The following LOC728392 variants were observed in gnomAD, a reference collection of about 807,000 sequenced individuals.
chr17:5,500,636 G>A, the LOC728392 span: 8 of 1,275,918 alleles, frequency 6.3e-6, no homozygotes, highest in Non-Finnish European at 8.2e-6. The surrounding 1 kb of genome is among the most constrained non-coding windows in gnomAD (Gnocchi z 5.4). Context: ...AGATGCAGGA[G>A]GTGATGGAGA....
At chr17:5,499,823 G>C in the LOC728392 span, 33 of 985,870 alleles carry the variant, frequency 3.3e-5, no homozygotes, top group African/African-American at 5.8e-4. Context: ...GCCAGCTCTG[G>C]GCCTGCGTGC....
the LOC728392 span, chr17:5,500,957 G>A: frequency 4.0e-6 from 5 of 1,247,368 alleles, no homozygotes; most frequent in South Asian, 5.2e-5. This position sits in a 1 kb window ranked among gnomAD's most constrained non-coding sequence, Gnocchi z 5.4. Context: ...CGTCAGCCAT[G>A]GGCAGGATCG....
the LOC728392 span, chr17:5,500,790 C>A: frequency 1.7e-6 from 2 of 1,160,812 alleles, no homozygotes; most frequent in African/African-American, 3.4e-5. The surrounding 1 kb of genome is among the most constrained non-coding windows in gnomAD (Gnocchi z 5.4). Context: ...CTGCGCCCTC[C>A]CGCCCGCGCG....
At chr17:5,499,585 G>A in the LOC728392 span, 1 of 174,050 alleles carries the variant, frequency 5.7e-6, no homozygotes, top group African/African-American at 2.5e-5. Context: ...ATCTTGCCAA[G>A]GTGGTTCCTG....
the LOC728392 span, chr17:5,499,828 G>T: frequency 1.5e-5 from 15 of 985,958 alleles, no homozygotes; most frequent in Non-Finnish European, 1.7e-5. Flanking sequence ...CTCTGGGCCT[G>T]CGTGCCGGCG....
chr17:5,500,631 C>A, the LOC728392 span: 1 of 1,270,610 alleles, frequency 7.9e-7, no homozygotes, highest in Admixed American at 2.6e-5. This position sits in a 1 kb window ranked among gnomAD's most constrained non-coding sequence, Gnocchi z 5.4. Context: ...GGTAAAGATG[C>A]AGGAGGTGAT....
At chr17:5,499,657 G>T in the LOC728392 span, 2 of 627,230 alleles carry the variant, frequency 3.2e-6, no homozygotes, top group Non-Finnish European at 4.0e-6. Context: ...TTTCCCGCAC[G>T]AACTCTTGTC....
the LOC728392 span, chr17:5,499,982 G>T: frequency 1.0e-6 from 1 of 986,090 alleles, no homozygotes; most frequent in Non-Finnish European, 1.2e-6. Flanking sequence ...GTCGTGGTCA[G>T]CCGGAGCCCC....
the LOC728392 span, chr17:5,500,177 C>A: frequency 5.1e-6 from 5 of 986,870 alleles, no homozygotes; most frequent in South Asian, 9.3e-5. This position sits in a 1 kb window ranked among gnomAD's most constrained non-coding sequence, Gnocchi z 5.4. Context: ...CCCTCCCTGC[C>A]GGACCCTCTC....
At chr17:5,499,667 C>T in the LOC728392 span, 1 of 710,084 alleles carries the variant, frequency 1.4e-6, no homozygotes, top group Non-Finnish European at 1.7e-6. Flanking sequence ...GAACTCTTGT[C>T]AATGAGAAAT....
chr17:5,499,903 G>GCTCCTCCGGGTACCAGTCTCGA, the LOC728392 span: 1 of 984,724 alleles, frequency 1.0e-6, no homozygotes, highest in Non-Finnish European at 1.2e-6. Context: ...TGGTGAGACA[G>GCTCCTCCGGGTACCAGTCTCGA]CTCCTCCGGG....
At chr17:5,500,398 C>T in the LOC728392 span, 12 of 1,092,206 alleles carry the variant, frequency 1.1e-5, no homozygotes, top group Non-Finnish European at 1.2e-5. The surrounding 1 kb of genome is among the most constrained non-coding windows in gnomAD (Gnocchi z 5.4). Context: ...GTGCAAACAG[C>T]ACCCCTATTT....
the LOC728392 span, chr17:5,500,773 G>C: frequency 8.3e-7 from 1 of 1,199,628 alleles, no homozygotes; most frequent in Non-Finnish European, 1.1e-6. This position sits in a 1 kb window ranked among gnomAD's most constrained non-coding sequence, Gnocchi z 5.4. Flanking sequence ...TGCCCGGCGC[G>C]GCCCCCCTGC....
the LOC728392 span, chr17:5,500,601 G>A: frequency 1.6e-6 from 2 of 1,251,812 alleles, no homozygotes; most frequent in African/African-American, 1.6e-5. This position sits in a 1 kb window ranked among gnomAD's most constrained non-coding sequence, Gnocchi z 5.4. Context: ...GGCCACTCAG[G>A]CAAGCTGTAA....
chr17:5,499,728 C>T, the LOC728392 span: 1 of 976,272 alleles, frequency 1.0e-6, no homozygotes, highest in Admixed American at 6.2e-5. Context: ...TGAGCCGGGC[C>T]AGAACGAAGC....
the LOC728392 span, chr17:5,500,423 A>G: frequency 9.0e-7 from 1 of 1,113,660 alleles, no homozygotes; most frequent in Non-Finnish European, 1.1e-6. This position sits in a 1 kb window ranked among gnomAD's most constrained non-coding sequence, Gnocchi z 5.4. Context: ...GCCGGCAGCT[A>G]CTTTGTACTT....
At chr17:5,500,247 C>A in the LOC728392 span, 23 of 995,060 alleles carry the variant, frequency 2.3e-5, no homozygotes, top group Non-Finnish European at 2.5e-5. This position sits in a 1 kb window ranked among gnomAD's most constrained non-coding sequence, Gnocchi z 5.4. Context: ...TGGGCGCACT[C>A]TGAGCTCCCC....
the LOC728392 span, chr17:5,499,990 C>G: frequency 1.0e-6 from 1 of 985,976 alleles, no homozygotes; most frequent in Admixed American, 6.1e-5. Flanking sequence ...CAGCCGGAGC[C>G]CCTGGGGGCG....
chr17:5,500,284 C>T, the LOC728392 span: 1 of 999,562 alleles, frequency 1.0e-6, no homozygotes, highest in South Asian at 4.1e-5. This position sits in a 1 kb window ranked among gnomAD's most constrained non-coding sequence, Gnocchi z 5.4. Flanking sequence ...GATCCCTGCG[C>T]GTGCCCCCAC....
Sources: gnomAD v4.1 joint callset for allele counts on GRCh38, gnomAD v4.1.1 for gene constraint, Gnocchi (gnomAD v3.1) non-coding constraint, MANE v1.5 for transcripts.